The following RNF157 variants were observed in gnomAD, a reference collection of about 807,000 sequenced individuals.
RNF157 encodes the protein E3 ubiquitin ligase RNF157.
A neutral mutation model predicts 88.3 loss-of-function variants in RNF157; 55 were observed. That is an observed-to-expected ratio of 0.62 (90% CI 0.50 to 0.78). RNF157 has a LOEUF of 0.78. RNF157 is among the 30% of genes least tolerant of loss of function. The pLI is 0.00. For synonymous variants in RNF157, 334 were observed against 341.2 expected, an observed-to-expected ratio of 0.98 and a Z score of 0.23; for missense variants, 788 against 860.8, an observed-to-expected ratio of 0.92 and a Z score of 1.06.
rs1165885365 is a variant in RNF157 at position 76,157,800 on chromosome 17, T to C, written c.1413+593A>G. On this transcript the variant is annotated intron_variant, in intron 13 of 18. Transcript: ENST00000269391. This position sits in a 1 kb window ranked among gnomAD's most constrained non-coding sequence, Gnocchi z 5.6. ...CCTACAGAGAGAAGCTGCATAAACC[T>C]TTGTTAAGTGAGGTCTCTGTGGGAC... Among the ~76,000 whole-genome samples, 1 of 151,944 alleles carries C rather than the reference T, an allele frequency of 6.6e-6. No homozygotes were observed. The highest frequency in any genetic ancestry group is 1.9e-4 in the East Asian group (1 of 5,160).
intron 2 of RNF157, among the ~76,000 whole-genome samples, chr17:76,178,730 C>T (rs2069143358): frequency 6.6e-6 from 1 of 152,116 alleles, no homozygotes; most frequent in South Asian, 2.1e-4. Flanking sequence ...CATGGTTGTT[C>T]CCATTTTTGC....
chr17:76,189,919 G>A (rs1201564537), intron 2 of RNF157, among the ~76,000 whole-genome samples: 4 of 152,192 alleles, frequency 2.6e-5, no homozygotes, highest in African/African-American at 9.7e-5. Flanking sequence ...ACAGCCAGGC[G>A]CAAGAAGCAG....
chr17:76,170,489 CTT>C (rs1336050421), intron 3 of RNF157, among the ~76,000 whole-genome samples: 1 of 152,142 alleles, frequency 6.6e-6, no homozygotes, highest in African/African-American at 2.4e-5. Context: ...CTGGGTCTCT[CTT>C]GTCCAGAGAT....
In RNF157 at chr17:76,173,686, G is replaced by A; in HGVS notation, c.296+16C>T. 1.3e-6 allele frequency: 2 copies of A among 1,590,362 alleles called. No individual in the cohort carries two copies. Among genetic ancestry groups the A allele is most frequent in the East Asian group, 2.3e-5 (1 of 44,350 alleles). On this transcript the variant is annotated intron_variant, in intron 3 of 18. Transcript: ENST00000269391. Reference sequence around the variant, plus strand: ...GGAAGGTGCCTGGGACCTGGCCCCAGCCTCTGGGAACTTACTTGACGAGCC... The same window carrying A: ...GGAAGGTGCCTGGGACCTGGCCCCAACCTCTGGGAACTTACTTGACGAGCC...
At chr17:76,152,780 A>G (rs2068700846) in intron 17 of RNF157, among the ~76,000 whole-genome samples, 1 of 152,208 alleles carries the variant, frequency 6.6e-6, no homozygotes, top group African/African-American at 2.4e-5. Flanking sequence ...GGCAGAGGCC[A>G]GGCTGGTGAG....
intron 6 of RNF157, 22 bp downstream of exon 6, chr17:76,166,439 A>G: frequency 1.2e-6 from 2 of 1,606,248 alleles, no homozygotes; most frequent in Non-Finnish European, 1.7e-6. Flanking sequence ...GCACAGCCAA[A>G]GAGGACAGAA....
chr17:76,185,002 G>A (rs1454592279), intron 2 of RNF157, among the ~76,000 whole-genome samples: 4 of 152,090 alleles, frequency 2.6e-5, no homozygotes, highest in Admixed American at 2.0e-4. Context: ...AGGTGATAAG[G>A]GTACGAAAAA....
intron 18 of RNF157, 123 bp downstream of exon 18, chr17:76,152,232 G>T: frequency 1.4e-6 from 1 of 696,742 alleles, no homozygotes; most frequent in Admixed American, 2.4e-5. Context: ...TCCAGCACTA[G>T]CACACCCCAG....
At chr17:76,187,488 T>C (rs979992882) in intron 2 of RNF157, among the ~76,000 whole-genome samples, 6 of 152,142 alleles carry the variant, frequency 3.9e-5, no homozygotes, top group Non-Finnish European at 5.9e-5. Flanking sequence ...CTGGCCAGGA[T>C]TTTATTTTCT....
At chr17:76,180,513 C>T (rs1030315930) in intron 2 of RNF157, among the ~76,000 whole-genome samples, 5 of 152,190 alleles carry the variant, frequency 3.3e-5, no homozygotes, top group African/African-American at 1.2e-4. Flanking sequence ...TGAGTATCTA[C>T]TATGTGCCAG....
intron 3 of RNF157, among the ~76,000 whole-genome samples, chr17:76,168,360 G>A (rs984634142): frequency 1.3e-5 from 2 of 151,614 alleles, no homozygotes; most frequent in Non-Finnish European, 2.9e-5. Flanking sequence ...GTATTACTGT[G>A]ATTACACAAA....
intron 2 of RNF157, among the ~76,000 whole-genome samples, chr17:76,188,486 A>G (rs2069330506): frequency 6.6e-6 from 1 of 152,216 alleles, no homozygotes; most frequent in African/African-American, 2.4e-5. Context: ...CTCCCTGAAG[A>G]ATAAATAGGT....
At chr17:76,237,952 C>A (rs2070309941) in intron 1 of RNF157, among the ~76,000 whole-genome samples, 1 of 151,970 alleles carries the variant, frequency 6.6e-6, no homozygotes, top group African/African-American at 2.4e-5. Flanking sequence ...GGTGTGGTGG[C>A]AAACACCTGT....
rs199579320 is a variant in RNF157 at position 76,165,532 on chromosome 17, A to G, written c.642T>C (p.His214=). ...CAAAAGTACCCAGCAGTACATGGCAATGGCCAAAATACTCTGAAAGAAACA... is the reference window on the plus strand; with the variant it reads ...CAAAAGTACCCAGCAGTACATGGCAGTGGCCAAAATACTCTGAAAGAAACA... ...VVDEGDEYFG[H]CHVLLGTFEK... The change falls in exon 7 of 19, where the codon CAT becomes CAC. Residue 214 remains histidine, a synonymous_variant. Coordinates refer to ENST00000269391, the MANE Select transcript of RNF157 (RefSeq NM_052916.3). The G allele has an allele frequency of 5.0e-6, 8 of 1,614,076 alleles. No individual in the cohort carries two copies. Among genetic ancestry groups the G allele is most frequent in the Admixed American group, 3.3e-5 (2 of 60,034 alleles).
chr17:76,173,779 GGC>G lies in RNF157; in HGVS notation c.217_218del (p.Ala73ArgfsTer29), dbSNP rs1568038738. 6.2e-7 allele frequency: 1 copy of G among 1,609,222 alleles called. No homozygotes were observed. The highest frequency in any genetic ancestry group is 1.1e-5 in the South Asian group (1 of 90,268). On this transcript the variant is annotated frameshift_variant, in exon 3 of 19. Coordinates refer to ENST00000269391, the MANE Select transcript of RNF157 (RefSeq NM_052916.3). LOFTEE classifies it high-confidence loss of function. ...TCACGGGTTCTTGGGGAGGTGGGGC[GGC>G]GTAAGGAAACTGTGTCAGAAACAAA... ...LGNRPVVFPY[A>X]APPPQEPVKT...
At chr17:76,231,930 C>A (rs1055226607) in intron 1 of RNF157, among the ~76,000 whole-genome samples, 1 of 152,214 alleles carries the variant, frequency 6.6e-6, no homozygotes, top group African/African-American at 2.4e-5. Context: ...TAGGCAAACA[C>A]TATTCTGCTT....
At chr17:76,170,401 G>C (rs947350367) in intron 3 of RNF157, among the ~76,000 whole-genome samples, 2 of 152,018 alleles carry the variant, frequency 1.3e-5, no homozygotes, top group Admixed American at 6.5e-5. Flanking sequence ...GCTAATTTTT[G>C]TATTTCTTGT....
chr17:76,172,665 T>C (rs1181582798), intron 3 of RNF157, among the ~76,000 whole-genome samples: 1 of 138,974 alleles, frequency 7.2e-6, no homozygotes, highest in Non-Finnish European at 1.5e-5. Context: ...TATATATATA[T>C]ATATCAGACA....
Position 76,151,923 on chromosome 17 carries a change from C to G in RNF157, c.1921+432G>C, listed in dbSNP as rs117894597. ...CTTTCACATTCCTCTCTGATCCTAG[C>G]TGAAACACATTTCTTCTGAGGAGCT... On this transcript the variant is annotated intron_variant, in intron 18 of 18. Coordinates refer to ENST00000269391, the MANE Select transcript of RNF157 (RefSeq NM_052916.3). Among the ~76,000 whole-genome samples the G allele has an allele frequency of 9.8e-3, 1,487 of 152,324 alleles. 10 individuals are homozygous for G. The highest frequency in any genetic ancestry group is 0.024 in the Middle Eastern group (7 of 294).
Sources: gnomAD v4.1 joint callset for allele counts (sites outside exome capture counted in the v4.1 genomes callset) on GRCh38, gnomAD v4.1.1 for gene constraint, Gnocchi (gnomAD v3.1) non-coding constraint, MANE v1.5 for transcripts, NCBI Gene and HGNC (gene_info 2026-07-23, HGNC 2026-07-21) for gene names.